The following TCF7L1 variants were observed in gnomAD, a reference collection of about 807,000 sequenced individuals.
TCF7L1 encodes transcription factor 7-like 1.
TCF7L1 carries 18 observed loss-of-function variants against 63.7 expected under a neutral mutation model. That is an observed-to-expected ratio of 0.28 (90% confidence interval 0.20 to 0.42). The LOEUF (loss-of-function observed/expected upper bound fraction) is 0.42. TCF7L1 is among the 10% of genes least tolerant of loss of function. The pLI, the probability that TCF7L1 is intolerant of heterozygous loss-of-function variation, is 1.00. For missense variants in TCF7L1, 654 were observed against 779.3 expected (o/e 0.84, Z 1.91); for synonymous variants, 355 against 340.9 (o/e 1.04, Z -0.46).
chr2:85,269,052 G>A (rs367702083), intron 3 of TCF7L1, among the ~76,000 whole-genome samples: 13 of 152,100 alleles, frequency 8.5e-5, no homozygotes, highest in African/African-American at 3.1e-4. Flanking sequence ...AGAAGAGAGA[G>A]ATGGTAGATC....
At chr2:85,169,678 T>C (rs902809815) in intron 3 of TCF7L1, among the ~76,000 whole-genome samples, 1 of 152,164 alleles carries the variant, frequency 6.6e-6, no homozygotes, top group African/African-American at 2.4e-5. Flanking sequence ...GAGGGATTTT[T>C]AACCAAGGCT....
chr2:85,142,481 A>ATT lies in TCF7L1; in HGVS notation c.441+8031_441+8032insTT, dbSNP rs1553393290. ...GTGTGTGTGTTGTGTGTATATATAT[A>ATT]ATATATATATATATATACACACACA... is the stretch of plus-strand genomic sequence containing the variant. On this transcript the variant is annotated intron_variant, in intron 3 of 11. Transcript: ENST00000282111. 7.0e-5 allele frequency among the ~76,000 whole-genome samples: 10 copies of ATT among 143,312 alleles called. No individual in the cohort carries two copies. The South Asian group carries it at 8.8e-4, about 13-fold the overall frequency. The allele number at this position is 143,312 out of a possible 152,430, so 94.0% of individuals were successfully genotyped here. A position where few individuals can be genotyped will look rare whatever the true frequency, so the allele number is the denominator to read the frequency against.
chr2:85,234,629 G>A (rs1680157160), intron 3 of TCF7L1, among the ~76,000 whole-genome samples: 1 of 152,210 alleles, frequency 6.6e-6, no homozygotes, highest in Non-Finnish European at 1.5e-5. Context: ...TGGAATTTAT[G>A]TTCTGCCCGA....
chr2:85,189,989 T>C (rs1003934977), intron 3 of TCF7L1, among the ~76,000 whole-genome samples: 1 of 152,204 alleles, frequency 6.6e-6, no homozygotes, highest in Non-Finnish European at 1.5e-5. Context: ...TGCAGTGAGC[T>C]GGGAATGAGC....
At chr2:85,276,867 C>T (rs1558653825) in intron 3 of TCF7L1, among the ~76,000 whole-genome samples, 1 of 152,118 alleles carries the variant, frequency 6.6e-6, no homozygotes, top group Non-Finnish European at 1.5e-5. Context: ...TATGGAAACA[C>T]CGTGTACCGC....
At chr2:85,144,737 GTGTGTGTGTGTGTA>G (rs1467145940) in intron 3 of TCF7L1, among the ~76,000 whole-genome samples, 5 of 148,816 alleles carry the variant, frequency 3.4e-5, no homozygotes, top group African/African-American at 1.3e-4. Flanking sequence ...GTGTGTGTGT[GTGTGTGTGTGTGTA>G]TGTGTGTGTG....
At chr2:85,261,056 CACCTGTGTAGAA>C in intron 3 of TCF7L1, among the ~76,000 whole-genome samples, 1 of 151,860 alleles carries the variant, frequency 6.6e-6, no homozygotes, top group Admixed American at 6.6e-5. Context: ...GGTTTGCAGT[CACCTGTGTAGAA>C]TTTGCACATA....
At chr2:85,194,673 G>A (rs1462963707) in intron 3 of TCF7L1, among the ~76,000 whole-genome samples, 3 of 152,136 alleles carry the variant, frequency 2.0e-5, no homozygotes, top group African/African-American at 7.2e-5. Flanking sequence ...AGGGTAAATA[G>A]CTGGTGTGAT....
chr2:85,153,666 A>T (rs1298448954), intron 3 of TCF7L1, among the ~76,000 whole-genome samples: 1 of 152,066 alleles, frequency 6.6e-6, no homozygotes, highest in East Asian at 1.9e-4. Context: ...TAATCTCTAC[A>T]CTGCACTATT....
At chr2:85,269,892 A>C (rs554783565) in intron 3 of TCF7L1, among the ~76,000 whole-genome samples, 1 of 152,192 alleles carries the variant, frequency 6.6e-6, no homozygotes, top group Non-Finnish European at 1.5e-5. Context: ...TATCAGGAGC[A>C]ATGGCCCTGT....
intron 3 of TCF7L1, among the ~76,000 whole-genome samples, chr2:85,187,698 C>A (rs2104260034): frequency 6.6e-6 from 1 of 152,290 alleles, no homozygotes; most frequent in Middle Eastern, 3.4e-3. Context: ...AGCCCTCTAC[C>A]AAGACCATGC....
At chr2:85,185,756 C>T (rs1678903736) in intron 3 of TCF7L1, among the ~76,000 whole-genome samples, 1 of 152,096 alleles carries the variant, frequency 6.6e-6, no homozygotes, top group Non-Finnish European at 1.5e-5. Context: ...CAGCTCACGC[C>T]TGTGGCGGGT....
chr2:85,287,517 T>C (rs755389867), intron 4 of TCF7L1, among the ~76,000 whole-genome samples: 12 of 152,202 alleles, frequency 7.9e-5, no homozygotes, highest in Admixed American at 1.3e-4. Flanking sequence ...AGCATTGTGG[T>C]GGAGCAGGGG....
intron 3 of TCF7L1, among the ~76,000 whole-genome samples, chr2:85,272,893 TC>T (rs759976692): frequency 4.6e-5 from 7 of 152,186 alleles, no homozygotes; most frequent in Non-Finnish European, 1.0e-4. Context: ...GGGAGAGGCT[TC>T]CCCAGAGCTG....
intron 3 of TCF7L1, among the ~76,000 whole-genome samples, chr2:85,218,284 C>A (rs1679756190): frequency 6.7e-6 from 1 of 149,400 alleles, no homozygotes; most frequent in South Asian, 2.1e-4. Context: ...GAGACAAGAT[C>A]TTGCTCTGTC....
chr2:85,243,414 C>T lies in TCF7L1; in HGVS notation c.442-40081C>T, dbSNP rs148664312. Among the ~76,000 whole-genome samples, 77 of 152,224 alleles carry T rather than the reference C, an allele frequency of 5.1e-4. 1 individual carries two copies. Among genetic ancestry groups the T allele is most frequent in the Middle Eastern group, 3.4e-3 (1 of 294 alleles). On this transcript the variant is annotated intron_variant, in intron 3 of 11. Coordinates refer to ENST00000282111, the MANE Select transcript of TCF7L1 (RefSeq NM_031283.3). ...CAAAAGGGCTGTTTTGTCCCTTACTCGTGAAGTGGCCTTGTGTGACATAAT... is the reference window on the plus strand; with the variant it reads ...CAAAAGGGCTGTTTTGTCCCTTACTTGTGAAGTGGCCTTGTGTGACATAAT...
chr2:85,268,473 T>C (rs1177334651), intron 3 of TCF7L1, among the ~76,000 whole-genome samples: 3 of 126,184 alleles, frequency 2.4e-5, no homozygotes, highest in African/African-American at 9.2e-5. Context: ...TTGGATGCCT[T>C]TTTTTTTTTT....
rs748142781 is a variant in TCF7L1 at position 85,306,295 on chromosome 2, T to C, written c.1079T>C (p.Met360Thr). 1 of 1,614,140 alleles carries C rather than the reference T, an allele frequency of 6.2e-7. No homozygotes were observed. Among genetic ancestry groups the C allele is most frequent in the East Asian group, 2.2e-5 (1 of 44,880 alleles). ...GCCTTCATGTTGTATATGAAGGAGATGAGGGCCAAGGTGGTGGCTGAGTGC... is the reference window on the plus strand; with the variant it reads ...GCCTTCATGTTGTATATGAAGGAGACGAGGGCCAAGGTGGTGGCTGAGTGC... ...LNAFMLYMKE[M>T]RAKVVAECTL... is the part of the protein sequence containing the mutation. The change falls in exon 9 of 12, where the codon ATG becomes ACG. Residue 360 changes from methionine to threonine, a missense_variant. By Grantham distance (81) the Met-to-Thr change is moderately conservative. Coordinates refer to ENST00000282111, the MANE Select transcript of TCF7L1 (RefSeq NM_031283.3). This position sits in a 1 kb window ranked among gnomAD's most constrained non-coding sequence, Gnocchi z 4.3.
chr2:85,285,105 C>CAT (rs1558656345), intron 4 of TCF7L1, among the ~76,000 whole-genome samples: 1 of 151,974 alleles, frequency 6.6e-6, no homozygotes, highest in Non-Finnish European at 1.5e-5. Flanking sequence ...TGGTGGCGGG[C>CAT]GCCTGTAGTC....
Sources: gnomAD v4.1 joint callset for allele counts (sites outside exome capture counted in the v4.1 genomes callset) on GRCh38, gnomAD v4.1.1 for gene constraint, Gnocchi (gnomAD v3.1) non-coding constraint, MANE v1.5 for transcripts, NCBI Gene and HGNC (gene_info 2026-07-23, HGNC 2026-07-21) for gene names.